Variants in AKAP13 observed in about 807,000 individuals in gnomAD.
AKAP13 encodes the protein A-kinase anchor protein 13.
AKAP13 carries 80 observed loss-of-function variants against 264.5 expected under a neutral mutation model. That is an observed-to-expected ratio of 0.30 (90% CI 0.25 to 0.36). The LOEUF (loss-of-function observed/expected upper bound fraction) is 0.36, where lower values mean the gene tolerates loss of function less well. Among genes scored for constraint, AKAP13 ranks in the 10% least tolerant of loss-of-function variants. The pLI is 1.00. For missense variants in AKAP13, 3,712 were observed against 3,435.2 expected (o/e 1.08, Z -2.01); for synonymous variants, 1,380 against 1,250.2 (o/e 1.10, Z -2.19).
At chr15:85,671,101 A>G (rs948878474) in intron 14 of AKAP13, among the ~76,000 whole-genome samples, 9 of 152,136 alleles carry the variant, frequency 5.9e-5, no homozygotes, top group Non-Finnish European at 1.2e-4. Flanking sequence ...AGGCTGAAGC[A>G]AAGGAAATAA....
At chr15:85,661,848 A>T (rs1025251359) in intron 12 of AKAP13, among the ~76,000 whole-genome samples, 1 of 151,328 alleles carries the variant, frequency 6.6e-6, no homozygotes, top group East Asian at 2.0e-4. Context: ...TAAGTATCTT[A>T]TCATGCAGAA....
chr15:85,571,218 C>T (rs550773285), intron 5 of AKAP13, among the ~76,000 whole-genome samples: 1 of 152,120 alleles, frequency 6.6e-6, no homozygotes, highest in South Asian at 2.1e-4. Context: ...TATATCTCAA[C>T]CACGCTGATA....
At position 85,718,095 on chromosome 15, in the gene AKAP13, A is replaced by G; in HGVS notation, c.5937A>G (p.Ile1979Met). 6.2e-7 allele frequency: 1 copy of G among 1,614,200 alleles called. No individual in the cohort carries two copies. The highest frequency in any genetic ancestry group is 1.1e-5 in the South Asian group (1 of 91,086). The change falls in exon 22 of 37, where the codon ATA becomes ATG. Residue 1979 changes from isoleucine to methionine, a missense_variant. Physicochemically the swap from Ile to Met is conservative, Grantham distance 10. Transcript: ENST00000394518. This position sits in a 1 kb window ranked among gnomAD's most constrained non-coding sequence, Gnocchi z 4.9. ...TGGAAGCAGAGTCTTGGAGTCGGATAATAGACAGCAAGTTTCTAAAACAGC... is the reference window on the plus strand; with the variant it reads ...TGGAAGCAGAGTCTTGGAGTCGGATGATAGACAGCAAGTTTCTAAAACAGC... ...KQLEAESWSR[I>M]IDSKFLKQQK...
At chr15:85,665,735 G>A (rs2083558409) in intron 13 of AKAP13, among the ~76,000 whole-genome samples, 1 of 152,026 alleles carries the variant, frequency 6.6e-6, no homozygotes, top group South Asian at 2.1e-4. Context: ...GTGTCCAAGT[G>A]TTCTCATTGT....
intron 18 of AKAP13, 29 bp from the exon 19 acceptor site, chr15:85,710,550 G>A (rs1286399323): frequency 6.2e-7 from 1 of 1,610,696 alleles, no homozygotes; most frequent in East Asian, 2.2e-5. Context: ...GAGGTGAATT[G>A]TCAATGGACT....
chr15:85,493,054 T>C (rs1387650306), intron 2 of AKAP13, among the ~76,000 whole-genome samples: 1 of 152,214 alleles, frequency 6.6e-6, no homozygotes, highest in Non-Finnish European at 1.5e-5. Context: ...GGTACCCTTG[T>C]TCTGCGCAAG....
chr15:85,650,755 CAAAAAAAAAAAAAAAAAAAAAA>C (rs66624781), intron 10 of AKAP13, among the ~76,000 whole-genome samples: 17 of 32,610 alleles, frequency 5.2e-4, no homozygotes, highest in South Asian at 4.2e-3. Context: ...GACTCCATCT[CAAAAAAAAAAAAAAAAAAAAAA>C]AAAAAAAAAA....
chr15:85,597,139 A>G (rs372267760), intron 8 of AKAP13, among the ~76,000 whole-genome samples: 4 of 152,242 alleles, frequency 2.6e-5, no homozygotes, highest in Non-Finnish European at 5.9e-5. Context: ...TCCAGATTCT[A>G]TAACTATGGG....
intron 1 of AKAP13, among the ~76,000 whole-genome samples, chr15:85,442,194 G>C (rs978046495): frequency 2.0e-5 from 3 of 151,170 alleles, no homozygotes; most frequent in African/African-American, 7.3e-5. Flanking sequence ...GGCGGATCAC[G>C]AGGTCAGGAG....
At chr15:85,713,866 G>C (rs1026488070) in intron 19 of AKAP13, among the ~76,000 whole-genome samples, 2 of 152,124 alleles carry the variant, frequency 1.3e-5, no homozygotes, top group Non-Finnish European at 1.5e-5. Flanking sequence ...TCCATTACCA[G>C]GGAAAAATGT....
intron 1 of AKAP13, among the ~76,000 whole-genome samples, chr15:85,397,745 C>G (rs2071190272): frequency 6.6e-6 from 1 of 152,066 alleles, no homozygotes; most frequent in South Asian, 2.1e-4. Flanking sequence ...TTATTTAAGG[C>G]CTGTTGTATG....
chr15:85,434,793 A>G (rs1275236325), intron 1 of AKAP13, among the ~76,000 whole-genome samples: 1 of 150,998 alleles, frequency 6.6e-6, no homozygotes, highest in Non-Finnish European at 1.5e-5. Context: ...ACAAACAGAA[A>G]GGACATCCAC....
At chr15:85,575,886 T>C (rs767383059) in intron 6 of AKAP13, among the ~76,000 whole-genome samples, 1 of 152,168 alleles carries the variant, frequency 6.6e-6, no homozygotes, top group Admixed American at 6.5e-5. Context: ...CTTGGGGGTC[T>C]GAGGCAGGCA....
At chr15:85,417,773 A>G (rs922117070) in intron 1 of AKAP13, among the ~76,000 whole-genome samples, 5 of 152,190 alleles carry the variant, frequency 3.3e-5, no homozygotes, top group African/African-American at 1.2e-4. Flanking sequence ...ACAGATGGAG[A>G]AATGCAGCTT....
chr15:85,648,681 A>G (rs1205016263), intron 10 of AKAP13, among the ~76,000 whole-genome samples: 1 of 152,168 alleles, frequency 6.6e-6, no homozygotes, highest in African/African-American at 2.4e-5. Context: ...TCTACAAAAA[A>G]TACCAAAATT....
chr15:85,662,350 C>G (rs749341299), intron 12 of AKAP13: 1 of 1,607,396 alleles, frequency 6.2e-7, no homozygotes, highest in South Asian at 1.1e-5. Context: ...CCTCTTTTCT[C>G]CCTGCATTTC....
At chr15:85,640,027 C>G (rs1218905722) in intron 9 of AKAP13, among the ~76,000 whole-genome samples, 1 of 151,382 alleles carries the variant, frequency 6.6e-6, no homozygotes, top group Non-Finnish European at 1.5e-5. Flanking sequence ...GTACGATGCT[C>G]TTAAGACCTT....
At chr15:85,521,956 G>C (rs545168213) in intron 3 of AKAP13, among the ~76,000 whole-genome samples, 1 of 152,146 alleles carries the variant, frequency 6.6e-6, no homozygotes, top group East Asian at 1.9e-4. Flanking sequence ...TTATGGACAG[G>C]GAATAAAAGA....
intron 1 of AKAP13, among the ~76,000 whole-genome samples, chr15:85,425,864 T>C (rs1212585849): frequency 6.6e-6 from 1 of 151,988 alleles, no homozygotes; most frequent in Non-Finnish European, 1.5e-5. Context: ...TTTTTGGTTT[T>C]TAAAAATAGC....
Sources: gnomAD v4.1 joint callset for allele counts (sites outside exome capture counted in the v4.1 genomes callset) on GRCh38, gnomAD v4.1.1 for gene constraint, Gnocchi (gnomAD v3.1) non-coding constraint, MANE v1.5 for transcripts, NCBI Gene and HGNC (gene_info 2026-07-23, HGNC 2026-07-21) for gene names.